ANO8: variants seen among roughly 807,000 people sequenced by gnomAD.
ANO8 encodes the protein anoctamin 8.
Under a neutral mutation model 120.4 loss-of-function variants are expected in ANO8, and 67 were observed. The ratio of observed to expected loss-of-function variants is 0.56; its 90% CI spans 0.46 to 0.68. The LOEUF is 0.68. Among genes scored for constraint, ANO8 ranks in the 30% least tolerant of loss-of-function variants. The pLI, the probability that ANO8 is intolerant of heterozygous loss-of-function variation, is 0.00. For synonymous variants in ANO8, 727 were observed against 759.2 expected, an observed-to-expected ratio of 0.96 and a Z score of 0.70; for missense variants, 1,526 against 1,737.6, an observed-to-expected ratio of 0.88 and a Z score of 2.16.
In ANO8 at chr19:17,324,883, G is replaced by A. The variant is rs1401713568; in HGVS notation, c.3165C>T (p.Phe1055=). The change falls in exon 17 of 18, where the codon TTC becomes TTT. Residue 1055 remains phenylalanine, a synonymous_variant. Transcript: ENST00000159087. ...PPKAFHAGKL[F]PFGGTRAEPG... Reference sequence around the variant, plus strand: ...GCTCAGCCCGGGTGCCACCAAAGGGGAAGAGCTTGCCAGCATGGAAGGCTT... The same window carrying A: ...GCTCAGCCCGGGTGCCACCAAAGGGAAAGAGCTTGCCAGCATGGAAGGCTT... The A allele has an allele frequency of 1.2e-6, 2 of 1,613,304 alleles. No homozygotes were observed. Among genetic ancestry groups the A allele is most frequent in the Non-Finnish European group, 1.7e-6 (2 of 1,179,818 alleles).
At position 17,328,144 on chromosome 19, in the gene ANO8, G is replaced by C. The variant is rs1354294444; in HGVS notation, c.2226+18C>G. On this transcript the variant is annotated intron_variant, in intron 13 of 17. Coordinates refer to ENST00000159087, the MANE Select transcript of ANO8 (RefSeq NM_020959.3). Reference sequence around the variant, plus strand: ...CCGGCGAGGCCCCGCCCCCTGCGAGGCCCCGCCCCCTCCTCACCTCGTACT... The same window carrying C: ...CCGGCGAGGCCCCGCCCCCTGCGAGCCCCCGCCCCCTCCTCACCTCGTACT... 1 of 1,531,568 alleles carries C rather than the reference G, an allele frequency of 6.5e-7. No individual in the cohort carries two copies. The highest frequency in any genetic ancestry group is 2.1e-5 in the Admixed American group (1 of 47,848). 94.9% of individuals were successfully genotyped at this position (1,531,568 alleles called of 1,614,324 possible). A position where few individuals can be genotyped will look rare whatever the true frequency, so the allele number is the denominator to read the frequency against.
chr19:17,323,842 C>CGGGTGCGGA lies in ANO8; in HGVS notation c.3365_3373dup (p.Leu1122_Thr1124dup), dbSNP rs1354642230. 1.7e-5 allele frequency: 19 copies of CGGGTGCGGA among 1,127,324 alleles called. No homozygotes were observed. The highest frequency in any genetic ancestry group is 2.0e-5 in the Non-Finnish European group (18 of 921,152). The allele number at this position is 1,127,324 out of a possible 1,614,324, so 69.8% of individuals were successfully genotyped here. ...CGGCGGCGCGGGGCTCCGGCTGCGG[C>CGGGTGCGGA]GGGTGCGGAGGGCAGGGGCGCCCAC... On this transcript the variant is annotated inframe_insertion, in exon 18 of 18. Coordinates refer to ENST00000159087, the MANE Select transcript of ANO8 (RefSeq NM_020959.3).
intron 15 of ANO8, 29 bp from the exon 16 acceptor site, chr19:17,327,374 G>A (rs1262609139): frequency 6.4e-7 from 1 of 1,550,628 alleles, no homozygotes; most frequent in South Asian, 1.2e-5. Context: ...GGAGGCTGCA[G>A]GCTGCAGACG....
Position 17,328,759 on chromosome 19 carries a change from G to A in ANO8, c.1629C>T (p.Arg543=). The A allele has an allele frequency of 7.6e-7, 1 of 1,323,020 alleles. No individual in the cohort carries two copies. Among genetic ancestry groups the A allele is most frequent in the South Asian group, 2.1e-5 (1 of 46,842 alleles). 82.0% of individuals were successfully genotyped at this position (1,323,020 alleles called of 1,614,324 possible). ...CCCCGCAGCCCCCGCTGAGGCACCT[G>A]CGGCCCCCGCCCCCGCTGCCGCCGC... is the stretch of plus-strand genomic sequence containing the variant. ...GGGGGSGGGG[R]RCLSGGCGAP... is the part of the protein sequence containing the mutation. The change falls in exon 13 of 18, where the codon CGC becomes CGT. Residue 543 remains arginine, a synonymous_variant. Transcript: ENST00000159087.
At position 17,323,711 on chromosome 19, in the gene ANO8, C is replaced by T; in HGVS notation, c.3505G>A (p.Ala1169Thr). Residue 1169 changes from alanine to threonine, a missense_variant, in exon 18 of 18, where the codon GCC becomes ACC. Around this residue, in one of 8 missense-constraint regions of ANO8, gnomAD observed 489 missense variants for 548.6 expected, o/e 0.89. Coordinates refer to ENST00000159087, the MANE Select transcript of ANO8 (RefSeq NM_020959.3). ...GEGAAPRQAL[A>T]AAECPPCAMA... ...GCACAGGGTGGGCACTCGGCAGCGG[C>T]CAGGGCCTGGCGGGGGGCGGCACCC... The T allele has an allele frequency of 8.2e-7, 1 of 1,217,070 alleles. No individual in the cohort carries two copies. The highest frequency in any genetic ancestry group is 1.0e-6 in the Non-Finnish European group (1 of 978,012). 75.4% of individuals were successfully genotyped at this position (1,217,070 alleles called of 1,614,324 possible). A position where few individuals can be genotyped will look rare whatever the true frequency, so the allele number is the denominator to read the frequency against.
Position 17,325,183 on chromosome 19 carries a change from C to G in ANO8, c.2865G>C (p.Ala955=). The G allele has an allele frequency of 6.2e-7, 1 of 1,613,058 alleles. No individual in the cohort carries two copies. Among genetic ancestry groups the G allele is most frequent in the Non-Finnish European group, 8.5e-7 (1 of 1,179,822 alleles). Residue 955 remains alanine (A), a synonymous_variant, in exon 17 of 18, where the codon GCG becomes GCC. Transcript: ENST00000159087. ...TGGGCCGTTCAGGCCCGTGGCCACC[C>G]GCAGTGCTGCCCTTGGCCTTGGCAG... is the stretch of plus-strand genomic sequence containing the variant. ...KASAKAKGST[A]GGHGPERPKR...
chr19:17,324,214 G>C (rs1350173719), intron 17 of ANO8, among the ~76,000 whole-genome samples: 1 of 151,854 alleles, frequency 6.6e-6, no homozygotes, highest in Non-Finnish European at 1.5e-5. Context: ...GGGAGGTGGT[G>C]GGGGTGGGAG....
rs761733355 is a variant in ANO8, at chr19:17,331,046, G to A, written c.831+42C>T. On this transcript the variant is annotated intron_variant, in intron 7 of 17. Coordinates refer to ENST00000159087, the MANE Select transcript of ANO8 (RefSeq NM_020959.3). ...TTTGTGCCAGTCCAGAAAGGAGGGC[G>A]CCTCTGGATCCCCCAGACCTTGCAG... 7 of 1,613,538 alleles carry A rather than the reference G, an allele frequency of 4.3e-6. No homozygotes were observed. In the East Asian group the frequency reaches 1.1e-4, roughly 26 times the overall value.
chr19:17,329,277 T>TGCACCTGCTTGCTGGCC, intron 12 of ANO8: 1 of 391,978 alleles, frequency 2.6e-6, no homozygotes, highest in Admixed American at 4.6e-5. Context: ...CCCAGCCGCC[T>TGCACCTGCTTGCTGGCC]GCACCTGCTT....
rs1568362495 is a variant in ANO8 at position 17,333,008 on chromosome 19, G to A, written c.508C>T (p.Arg170Cys). The A allele has an allele frequency of 6.2e-7, 1 of 1,614,114 alleles. No individual in the cohort carries two copies. Among genetic ancestry groups the A allele is most frequent in the Admixed American group, 1.7e-5 (1 of 60,026 alleles). Reference protein sequence around the residue: ...FTSQERQSIIRFWLQNLRAKQ... With the variant: ...FTSQERQSIICFWLQNLRAKQ... ...GCACGCAAATTCTGCAGCCAGAAGCGGATGATGCTCTGGCGTTCCTGCGAG... is the reference window on the plus strand; with the variant it reads ...GCACGCAAATTCTGCAGCCAGAAGCAGATGATGCTCTGGCGTTCCTGCGAG... Residue 170 changes from arginine to cysteine, a missense_variant, in exon 5 of 18, where the codon CGC becomes TGC. Around this residue, in one of 8 missense-constraint regions of ANO8, gnomAD observed 322 missense variants for 431.8 expected, o/e 0.75. Transcript: ENST00000159087. The surrounding 1 kb of genome is among the most constrained non-coding windows in gnomAD (Gnocchi z 7.2).
At position 17,331,383 on chromosome 19, in the gene ANO8, G is replaced by T. The variant is rs2074317055; in HGVS notation, c.615C>A (p.Ile205=). ...IIPELAARGI[I]QQVFPVHEQR... Reference sequence around the variant, plus strand: ...GCTCGTGGACAGGGAACACCTGCTGGATGATCCCACGTGCTGCCAGCTCCG... The same window carrying T: ...GCTCGTGGACAGGGAACACCTGCTGTATGATCCCACGTGCTGCCAGCTCCG... The change falls in exon 6 of 18, where the codon ATC becomes ATA. Residue 205 remains isoleucine, a synonymous_variant. Coordinates refer to ENST00000159087, the MANE Select transcript of ANO8 (RefSeq NM_020959.3). 1 of 1,613,824 alleles carries T rather than the reference G, an allele frequency of 6.2e-7. No individual in the cohort carries two copies.
intron 13 of ANO8, 134 bp from the exon 14 acceptor site, chr19:17,328,014 T>G: frequency 7.2e-7 from 1 of 1,383,454 alleles, no homozygotes; most frequent in Non-Finnish European, 9.7e-7. Context: ...AGAGGCTTCC[T>G]GTATCTGGCT....
chr19:17,329,730 G>A lies in ANO8; in HGVS notation c.1404+27C>T, dbSNP rs1473083520. The stretch of plus-strand genomic sequence containing the variant: ...TCGCTGGCCGCCATGGGGGCAGGGG[G>A]GACTGCCGCTGGGGCGGGGGTCTCA... On this transcript the variant is annotated intron_variant, in intron 12 of 17. Coordinates refer to ENST00000159087, the MANE Select transcript of ANO8 (RefSeq NM_020959.3). 4 of 1,596,410 alleles carry A rather than the reference G, an allele frequency of 2.5e-6. No homozygotes were observed. The South Asian group carries it at 4.5e-5, about 18-fold the overall frequency.
Position 17,327,776 on chromosome 19 carries a change from G to C in ANO8, c.2331C>G (p.Leu777=). The change falls in exon 14 of 18, where the codon CTC becomes CTG. Residue 777 remains leucine, a synonymous_variant. Transcript: ENST00000159087. ...TGAAGGCGTCGCTGCGGATCTCAAT[G>C]AGGTTGTTGACCAGGGCGCACAGCG... ...LAALCALVNN[L]IEIRSDAFKL... 1 of 1,614,190 alleles carries C rather than the reference G, an allele frequency of 6.2e-7. No homozygotes were observed.
At chr19:17,326,905 G>A (rs1306889060) in intron 16 of ANO8, among the ~76,000 whole-genome samples, 3 of 152,210 alleles carry the variant, frequency 2.0e-5, no homozygotes, top group Non-Finnish European at 2.9e-5. Flanking sequence ...AGAAGCGACT[G>A]GACCCGTTGT....
chr19:17,332,059 C>G (rs1254727270), intron 5 of ANO8, among the ~76,000 whole-genome samples: 2 of 150,212 alleles, frequency 1.3e-5, no homozygotes, highest in African/African-American at 4.9e-5. Flanking sequence ...CTCAGCCTCC[C>G]GAGTAGCTGG....
rs897651599 is a variant in ANO8 at position 17,323,458 on chromosome 19, C to T, written c.*59G>A. 67 of 1,279,788 alleles carry T rather than the reference C, an allele frequency of 5.2e-5. No individual in the cohort carries two copies. Among genetic ancestry groups the T allele is most frequent in the Admixed American group, 2.2e-4 (7 of 32,216 alleles). The allele number at this position is 1,279,788 out of a possible 1,614,324, so 79.3% of individuals were successfully genotyped here. ...GAAGCGCATTTTGCATTTTGGAGACCGGCCGCCCCTGTGAATGACTGATAT... is the reference window on the plus strand; with the variant it reads ...GAAGCGCATTTTGCATTTTGGAGACTGGCCGCCCCTGTGAATGACTGATAT... On this transcript the variant is annotated 3_prime_UTR_variant, in exon 18 of 18. Transcript: ENST00000159087.
At chr19:17,334,540 T>A in intron 1 of ANO8, 25 bp downstream of exon 1, 5 of 1,525,704 alleles carry the variant, frequency 3.3e-6, no homozygotes, top group Non-Finnish European at 3.5e-6. Flanking sequence ...TGCAACCCTG[T>A]CTGGTCCAGC....
At chr19:17,331,931 C>CTTT (rs71180396) in intron 5 of ANO8, among the ~76,000 whole-genome samples, 2,526 of 78,562 alleles carry the variant, frequency 0.032, 169 homozygotes, top group South Asian at 0.052. Flanking sequence ...CCGCGCCCGG[C>CTTT]TTTTTTTTTT....
Sources: allele counts gnomAD v4.1 joint callset (sites outside exome capture counted in the v4.1 genomes callset), GRCh38; gene constraint gnomAD v4.1.1; regional missense constraint gnomAD v4.1.1; non-coding constraint Gnocchi (gnomAD v3.1); transcripts MANE v1.5; gene names NCBI Gene and HGNC (gene_info 2026-07-23, HGNC 2026-07-21).